Variants in SYTL1 observed in about 807,000 individuals in gnomAD.
SYTL1 encodes the protein synaptotagmin-like protein 1.
SYTL1 carries 53 observed loss-of-function variants against 74.6 expected under a neutral mutation model. That is an observed-to-expected ratio of 0.71 (90% confidence interval 0.57 to 0.89). SYTL1 has a LOEUF of 0.89. Ranked by LOEUF, SYTL1 falls within the 40% of genes least tolerant of loss-of-function variation. The pLI, the probability that SYTL1 is intolerant of heterozygous loss-of-function variation, is 0.00. For synonymous variants in SYTL1, 329 were observed against 324.9 expected (o/e 1.01, Z -0.14); for missense variants, 728 against 768.7 (o/e 0.95, Z 0.63).
At chr1:27,346,338 G>A (rs2015002376) in intron 2 of SYTL1, among the ~76,000 whole-genome samples, 1 of 152,236 alleles carries the variant, frequency 6.6e-6, no homozygotes, top group Non-Finnish European at 1.5e-5. Context: ...AGTTGTAGAA[G>A]AGCATGGGCG....
chr1:27,349,183 A>C, intron 6 of SYTL1, 31 bp downstream of exon 6: 1 of 1,607,064 alleles, frequency 6.2e-7, no homozygotes, highest in Non-Finnish European at 8.5e-7. Flanking sequence ...GGGAGCACGG[A>C]GAGGTTTCGC....
At chr1:27,353,550 G>C (rs557146006) in intron 14 of SYTL1, 62 bp downstream of exon 14, 12 of 1,548,452 alleles carry the variant, frequency 7.7e-6, no homozygotes, top group Non-Finnish European at 8.8e-6. Context: ...GGGGCTCAGT[G>C]TGTGGCCCTG....
rs1286919126 is a variant in SYTL1 at position 27,345,323 on chromosome 1, C to T, written c.-12C>T. 1.4e-6 allele frequency: 2 copies of T among 1,472,416 alleles called. No homozygotes were observed. The highest frequency in any genetic ancestry group is 2.8e-5 in the Admixed American group (1 of 36,278). 91.2% of individuals were successfully genotyped at this position (1,472,416 alleles called of 1,614,324 possible). A position where few individuals can be genotyped will look rare whatever the true frequency, so the allele number is the denominator to read the frequency against. ...AAGCTCCGTGTGCCCAGCTGGGGCA[C>T]AGCCCCAGCTGATGCCCCAGAGGGG... On this transcript the variant is annotated 5_prime_UTR_variant, in exon 2 of 15. Coordinates refer to ENST00000616558, the MANE Select transcript of SYTL1 (RefSeq NM_001193308.2). This position sits in a 1 kb window ranked among gnomAD's most constrained non-coding sequence, Gnocchi z 6.0.
In SYTL1 at chr1:27,348,173, C is replaced by T. The variant is rs1029570722; in HGVS notation, c.459+161C>T. On this transcript the variant is annotated intron_variant, in intron 5 of 14. Coordinates refer to ENST00000616558, the MANE Select transcript of SYTL1 (RefSeq NM_001193308.2). This position sits in a 1 kb window ranked among gnomAD's most constrained non-coding sequence, Gnocchi z 4.1. ...ACCTCCTGGGTGGAACAGTGGTGAA[C>T]GGTGGGGAACGGTGGTGAATGGTGG... is the stretch of plus-strand genomic sequence containing the variant. Among the ~76,000 whole-genome samples, 5 of 152,202 alleles carry T rather than the reference C, an allele frequency of 3.3e-5. No individual in the cohort carries two copies. The highest frequency in any genetic ancestry group is 3.4e-3 in the Middle Eastern group (1 of 294).
In SYTL1 at chr1:27,345,265, A is replaced by C; in HGVS notation, c.-38-32A>C. The C allele has an allele frequency of 8.3e-7, 1 of 1,205,294 alleles. No individual in the cohort carries two copies. Among genetic ancestry groups the C allele is most frequent in the South Asian group, 1.7e-5 (1 of 59,942 alleles). The allele number at this position is 1,205,294 out of a possible 1,614,324, so 74.7% of individuals were successfully genotyped here. ...TCTAGGATGTGCCAAGCATTTGTGC[A>C]GGGCTTGACCTGACCCTCGGTCTGC... On this transcript the variant is annotated intron_variant, in intron 1 of 14. Coordinates refer to ENST00000616558, the MANE Select transcript of SYTL1 (RefSeq NM_001193308.2). The surrounding 1 kb of genome is among the most constrained non-coding windows in gnomAD (Gnocchi z 6.0).
At position 27,353,504 on chromosome 1, in the gene SYTL1, C is replaced by T; in HGVS notation, c.1549+16C>T. Reference sequence around the variant, plus strand: ...CTGGGCACCGGTAAGTGGGACAGCACCCTGAGACAGGCCCTGGGACAGGCC... The same window carrying T: ...CTGGGCACCGGTAAGTGGGACAGCATCCTGAGACAGGCCCTGGGACAGGCC... On this transcript the variant is annotated intron_variant, in intron 14 of 14. Coordinates refer to ENST00000616558, the MANE Select transcript of SYTL1 (RefSeq NM_001193308.2). 1 of 1,586,118 alleles carries T rather than the reference C, an allele frequency of 6.3e-7. No individual in the cohort carries two copies. The highest frequency in any genetic ancestry group is 1.1e-5 in the South Asian group (1 of 87,302).
rs1571045513 is a variant in SYTL1 at position 27,351,016 on chromosome 1, C to T, written c.1164+64C>T. The T allele has an allele frequency of 6.3e-7, 1 of 1,576,202 alleles. No homozygotes were observed. The highest frequency in any genetic ancestry group is 1.3e-5 in the African/African-American group (1 of 74,124). The stretch of plus-strand genomic sequence containing the variant: ...GGTCTCCTGCATTTACCCCACCAGG[C>T]TCTCCCGCAGCCCCCTCACACCCCG... On this transcript the variant is annotated intron_variant, in intron 11 of 14. Transcript: ENST00000616558. This position sits in a 1 kb window ranked among gnomAD's most constrained non-coding sequence, Gnocchi z 5.0.
Position 27,348,041 on chromosome 1 carries a change from A to G in SYTL1, c.459+29A>G, listed in dbSNP as rs2015079278. The G allele has an allele frequency of 6.2e-7, 1 of 1,611,100 alleles. No individual in the cohort carries two copies. Among genetic ancestry groups the G allele is most frequent in the African/African-American group, 1.3e-5 (1 of 74,828 alleles). On this transcript the variant is annotated intron_variant, in intron 5 of 14. Coordinates refer to ENST00000616558, the MANE Select transcript of SYTL1 (RefSeq NM_001193308.2). The surrounding 1 kb of genome is among the most constrained non-coding windows in gnomAD (Gnocchi z 4.1). ...AGTGAATGAGCCAACATGTGAGTAC[A>G]GTGTCCCTGGAGGGGAGGTGGAATG...
At chr1:27,349,278 G>A in intron 6 of SYTL1, 120 bp from the exon 7 acceptor site, 1 of 1,481,036 alleles carries the variant, frequency 6.8e-7, no homozygotes, top group South Asian at 1.3e-5. Flanking sequence ...AGGTGGGGAC[G>A]ATCCCAGGGC....
chr1:27,351,039 C>T lies in SYTL1; in HGVS notation c.1164+87C>T. On this transcript the variant is annotated intron_variant, in intron 11 of 14. Transcript: ENST00000616558. The surrounding 1 kb of genome is among the most constrained non-coding windows in gnomAD (Gnocchi z 5.0). ...GGCTCTCCCGCAGCCCCCTCACACCCCGCCTTCGACAGAACCTCCCCTCAA... is the reference window on the plus strand; with the variant it reads ...GGCTCTCCCGCAGCCCCCTCACACCTCGCCTTCGACAGAACCTCCCCTCAA... The T allele has an allele frequency of 6.7e-7, 1 of 1,491,592 alleles. No homozygotes were observed. The highest frequency in any genetic ancestry group is 9.1e-7 in the Non-Finnish European group (1 of 1,095,978). The allele number at this position is 1,491,592 out of a possible 1,614,324, so 92.4% of individuals were successfully genotyped here.
chr1:27,347,747 C>A lies in SYTL1; in HGVS notation c.341-61C>A. 6.4e-7 allele frequency: 1 copy of A among 1,573,088 alleles called. No homozygotes were observed. Among genetic ancestry groups the A allele is most frequent in the Non-Finnish European group, 8.6e-7 (1 of 1,157,946 alleles). On this transcript the variant is annotated intron_variant, in intron 3 of 14. Coordinates refer to ENST00000616558, the MANE Select transcript of SYTL1 (RefSeq NM_001193308.2). This position sits in a 1 kb window ranked among gnomAD's most constrained non-coding sequence, Gnocchi z 4.9. ...TGGGTGGGTATCTCCCAGGGCCTCT[C>A]CCGAGTCACAGCCAGGCTTCCTGAG...
Position 27,345,576 on chromosome 1 carries a change from C to A in SYTL1, c.191+51C>A. On this transcript the variant is annotated intron_variant, in intron 2 of 14. Transcript: ENST00000616558. This position sits in a 1 kb window ranked among gnomAD's most constrained non-coding sequence, Gnocchi z 6.0. Reference sequence around the variant, plus strand: ...GGAGCACCAAGAGGCTTGAGTGGCCCCCATCCTGCTCCCTACCGACACCAC... The same window carrying A: ...GGAGCACCAAGAGGCTTGAGTGGCCACCATCCTGCTCCCTACCGACACCAC... 7.6e-7 allele frequency: 1 copy of A among 1,307,538 alleles called. No individual in the cohort carries two copies. Among genetic ancestry groups the A allele is most frequent in the South Asian group, 1.4e-5 (1 of 71,898 alleles). 81.0% of individuals were successfully genotyped at this position (1,307,538 alleles called of 1,614,324 possible). A position where few individuals can be genotyped will look rare whatever the true frequency, so the allele number is the denominator to read the frequency against.
chr1:27,350,542 C>A lies in SYTL1; in HGVS notation c.1005+57C>A. The A allele has an allele frequency of 1.4e-6, 2 of 1,448,318 alleles. No homozygotes were observed. The highest frequency in any genetic ancestry group is 1.9e-6 in the Non-Finnish European group (2 of 1,044,712). 89.7% of individuals were successfully genotyped at this position (1,448,318 alleles called of 1,614,324 possible). A position where few individuals can be genotyped will look rare whatever the true frequency, so the allele number is the denominator to read the frequency against. On this transcript the variant is annotated intron_variant, in intron 10 of 14. Transcript: ENST00000616558. The surrounding 1 kb of genome is among the most constrained non-coding windows in gnomAD (Gnocchi z 6.3). The stretch of plus-strand genomic sequence containing the variant: ...TAATGAACTGGACGCCCCCTTCCTG[C>A]GGGGCTAGGTGGCAAGGGCAGCCAG...
At position 27,353,838 on chromosome 1, in the gene SYTL1, G is replaced by A. The variant is rs2015391610; in HGVS notation, c.1675G>A (p.Ala559Thr). Reference protein sequence around the residue: ...DGLLPLRTNLAPRT With the variant: ...DGLLPLRTNLTPRT ...CCTTCTACCCCTCAGAACCAACCTG[G>A]CCCCCAGGACGTAGCCCCACCAAGC... Residue 559 changes from alanine (A) to threonine (T), a missense_variant, in exon 15 of 15, where the codon GCC (alanine) becomes ACC (threonine). Transcript: ENST00000616558. 11 of 1,613,356 alleles carry A rather than the reference G, an allele frequency of 6.8e-6. No individual in the cohort carries two copies. The highest frequency in any genetic ancestry group is 9.3e-6 in the Non-Finnish European group (11 of 1,179,546).
chr1:27,344,187 T>C (rs1304777737), intron 1 of SYTL1, among the ~76,000 whole-genome samples: 1 of 152,156 alleles, frequency 6.6e-6, no homozygotes, highest in East Asian at 1.9e-4. Flanking sequence ...TACCATAACC[T>C]CTGCCTCCCA....
rs2015348526 is a variant in SYTL1 at position 27,353,211 on chromosome 1, T to A, written c.1344-72T>A. On this transcript the variant is annotated intron_variant, in intron 13 of 14. Coordinates refer to ENST00000616558, the MANE Select transcript of SYTL1 (RefSeq NM_001193308.2). Reference sequence around the variant, plus strand: ...ATGGACATATGTGAGAGAGAATGAGTGGGACGTGGTGACTGGATGACTCTA... The same window carrying A: ...ATGGACATATGTGAGAGAGAATGAGAGGGACGTGGTGACTGGATGACTCTA... The A allele has an allele frequency of 1.2e-5, 17 of 1,438,344 alleles. No homozygotes were observed. In the South Asian group the frequency reaches 2.1e-4, roughly 18 times the overall value. The allele number at this position is 1,438,344 out of a possible 1,614,324, so 89.1% of individuals were successfully genotyped here. A position where few individuals can be genotyped will look rare whatever the true frequency, so the allele number is the denominator to read the frequency against.
intron 13 of SYTL1, 44 bp from the exon 14 acceptor site, chr1:27,353,239 G>T (rs746554121): frequency 1.3e-6 from 2 of 1,541,892 alleles, no homozygotes; most frequent in East Asian, 2.4e-5. Context: ...TGACTCTAGG[G>T]AGTGTGAGGG....
rs2015116091 is a variant in SYTL1, at chr1:27,348,935, T to C, written c.460-145T>C. The C allele has an allele frequency of 3.1e-6, 2 of 641,804 alleles. No individual in the cohort carries two copies. The highest frequency in any genetic ancestry group is 5.4e-6 in the Non-Finnish European group (2 of 369,008). The allele number at this position is 641,804 out of a possible 1,614,324, so 39.8% of individuals were successfully genotyped here. On this transcript the variant is annotated intron_variant, in intron 5 of 14. Transcript: ENST00000616558. The surrounding 1 kb of genome is among the most constrained non-coding windows in gnomAD (Gnocchi z 4.1). ...GCACTGGTCTCACCGCTCCTGCAGC[T>C]GGCTGCCAGCCCTGCCCGGAGGGCT...
Position 27,353,805 on chromosome 1 carries a change from G to A in SYTL1, c.1642G>A (p.Val548Met). 1 of 1,614,076 alleles carries A rather than the reference G, an allele frequency of 6.2e-7. No individual in the cohort carries two copies. Among genetic ancestry groups the A allele is most frequent in the Non-Finnish European group, 8.5e-7 (1 of 1,179,952 alleles). Residue 548 changes from valine (V) to methionine (M), a missense_variant, in exon 15 of 15, where the codon GTG (valine) becomes ATG (methionine). Coordinates refer to ENST00000616558, the MANE Select transcript of SYTL1 (RefSeq NM_001193308.2). ...CCTCCTGGAGCAGCCGTGCGAATGGGTGGATGGCCTTCTACCCCTCAGAAC... is the reference window on the plus strand; with the variant it reads ...CCTCCTGGAGCAGCCGTGCGAATGGATGGATGGCCTTCTACCCCTCAGAAC... The part of the protein sequence containing the change: ...QALLEQPCEW[V>M]DGLLPLRTNL...
Sources: gnomAD v4.1 joint callset for allele counts (sites outside exome capture counted in the v4.1 genomes callset) on GRCh38, gnomAD v4.1.1 for gene constraint, Gnocchi (gnomAD v3.1) non-coding constraint, MANE v1.5 for transcripts, NCBI Gene and HGNC (gene_info 2026-07-23, HGNC 2026-07-21) for gene names.